Variants in SYNPO2 observed in about 807,000 individuals in gnomAD.
SYNPO2 encodes the protein synaptopodin-2.
A neutral mutation model predicts 85.0 loss-of-function variants in SYNPO2; 56 were observed. That is an observed-to-expected ratio of 0.66 (90% CI 0.53 to 0.82). The LOEUF (loss-of-function observed/expected upper bound fraction) is 0.82, where lower values mean the gene tolerates loss of function less well. Among genes scored for constraint, SYNPO2 ranks in the 40% least tolerant of loss-of-function variants. The pLI is 0.00. For synonymous variants in SYNPO2, 602 were observed against 591.1 expected (o/e 1.02, Z -0.27); for missense variants, 1,575 against 1,534.2 (o/e 1.03, Z -0.44).
intron 1 of SYNPO2, among the ~76,000 whole-genome samples, chr4:118,864,566 C>A (rs1357852777): frequency 6.6e-6 from 1 of 152,134 alleles, no homozygotes; most frequent in Non-Finnish European, 1.5e-5. Flanking sequence ...TGTTGTATTT[C>A]GATCTGTCTG....
Position 119,032,022 on chromosome 4 carries a change from A to G in SYNPO2, c.3247A>G (p.Ile1083Val), listed in dbSNP as rs776729614. Reference sequence around the variant, plus strand: ...CTCAGCCAAGAAAAGTGGTGTCACAATTCAGGTGTGGAAACCATCTGTTGT... The same window carrying G: ...CTCAGCCAAGAAAAGTGGTGTCACAGTTCAGGTGTGGAAACCATCTGTTGT... ...KFSAKKSGVT[I>V]QESGRSLSLP... The change falls in exon 4 of 5, where the codon ATT becomes GTT. Residue 1083 changes from isoleucine (I) to valine (V), a missense_variant. This residue lies in a region of SYNPO2 where 1,508 missense variants were observed against 1,446.8 expected (regional missense o/e 1.04). Coordinates refer to ENST00000307142, the MANE Select transcript of SYNPO2 (RefSeq NM_133477.3). The G allele has an allele frequency of 8.7e-6, 14 of 1,613,934 alleles. No individual in the cohort carries two copies. The highest frequency in any genetic ancestry group is 6.6e-5 in the South Asian group (6 of 91,036).
At chr4:119,016,343 G>A (rs907946591) in intron 1 of SYNPO2, among the ~76,000 whole-genome samples, 3 of 151,696 alleles carry the variant, frequency 2.0e-5, no homozygotes, top group Non-Finnish European at 4.4e-5. Flanking sequence ...CTTGAACCTG[G>A]GAGGCAGAGG....
At chr4:119,032,722 T>C (rs1738333883) in intron 4 of SYNPO2, 1 of 946,284 alleles carries the variant, frequency 1.1e-6, no homozygotes, top group Non-Finnish European at 1.3e-6. Flanking sequence ...TCAGAAAACT[T>C]ATTTAAAGTA....
intron 1 of SYNPO2, among the ~76,000 whole-genome samples, chr4:118,923,128 G>A (rs1733593872): frequency 6.6e-6 from 1 of 152,056 alleles, no homozygotes; most frequent in Admixed American, 6.6e-5. Context: ...TCCTGGCAGA[G>A]TCATGGAATC....
chr4:119,042,783 C>A (rs1738754444), intron 4 of SYNPO2: 1 of 152,162 alleles, frequency 6.6e-6, no homozygotes, highest in South Asian at 2.1e-4. Context: ...CAGGCAGACC[C>A]ACTTGGTGAC....
At chr4:118,948,421 T>C (rs1734578595) in intron 1 of SYNPO2, among the ~76,000 whole-genome samples, 1 of 152,248 alleles carries the variant, frequency 6.6e-6, no homozygotes, top group Non-Finnish European at 1.5e-5. Context: ...TCAATTTACG[T>C]TACTTAATGA....
chr4:118,852,441 T>A (rs185375829), intron 1 of SYNPO2, among the ~76,000 whole-genome samples: 82 of 152,326 alleles, frequency 5.4e-4, no homozygotes, highest in African/African-American at 1.9e-3. Flanking sequence ...ACAGCAGTAT[T>A]CGCAATAGCA....
intron 4 of SYNPO2, among the ~76,000 whole-genome samples, chr4:119,050,239 G>A (rs1381620636): frequency 6.6e-6 from 1 of 152,010 alleles, no homozygotes; most frequent in Admixed American, 6.6e-5. Flanking sequence ...GGCTGAGGCA[G>A]GAGAATCACT....
chr4:119,007,962 G>A (rs1281213423), intron 1 of SYNPO2, among the ~76,000 whole-genome samples: 1 of 152,134 alleles, frequency 6.6e-6, no homozygotes, highest in African/African-American at 2.4e-5. Context: ...ATTATTATAA[G>A]ATACATTATT....
Position 119,059,102 on chromosome 4 carries a change from A to G in SYNPO2, c.*1168A>G, listed in dbSNP as rs1319838812. 1 of 152,176 alleles carries G rather than the reference A, an allele frequency of 6.6e-6. No individual in the cohort carries two copies. Among genetic ancestry groups the G allele is most frequent in the African/African-American group, 2.4e-5 (1 of 41,448 alleles). 9.4% of individuals were successfully genotyped at this position (152,176 alleles called of 1,614,324 possible). A position where few individuals can be genotyped will look rare whatever the true frequency, so the allele number is the denominator to read the frequency against. ...GCATTGTTTATTTTTTTTGCTCATA[A>G]TATAAATATCAGATTATGTTTAGGA... On this transcript the variant is annotated 3_prime_UTR_variant, in exon 5 of 5. Coordinates refer to ENST00000307142, the MANE Select transcript of SYNPO2 (RefSeq NM_133477.3).
At chr4:119,001,958 T>C (rs567911329) in intron 1 of SYNPO2, among the ~76,000 whole-genome samples, 56 of 152,302 alleles carry the variant, frequency 3.7e-4, no homozygotes, top group African/African-American at 1.3e-3. Flanking sequence ...TGAAGATAAA[T>C]AGTTCTGTTA....
chr4:119,028,543 CTG>C (rs1307840614), intron 3 of SYNPO2, among the ~76,000 whole-genome samples: 2 of 152,110 alleles, frequency 1.3e-5, no homozygotes, highest in African/African-American at 4.8e-5. Flanking sequence ...TTAGCAGCAA[CTG>C]TGCAACTGTG....
intron 4 of SYNPO2, chr4:119,043,964 A>G (rs1191301222): frequency 7.6e-6 from 1 of 131,690 alleles, no homozygotes; most frequent in Admixed American, 7.8e-5. Context: ...AAAAAAAAAA[A>G]GCTATGCAAA....
intron 1 of SYNPO2, among the ~76,000 whole-genome samples, chr4:119,016,514 AG>A (rs1737533410): frequency 6.6e-6 from 1 of 152,086 alleles, no homozygotes; most frequent in Non-Finnish European, 1.5e-5. Flanking sequence ...GTATTTACAT[AG>A]ATGCTTTTAA....
intron 1 of SYNPO2, among the ~76,000 whole-genome samples, chr4:118,954,596 A>T (rs1180698654): frequency 6.6e-6 from 1 of 152,210 alleles, no homozygotes; most frequent in East Asian, 1.9e-4. Context: ...CAGGGGGAAA[A>T]TACTTATTTG....
chr4:118,989,941 G>C (rs1736349746), intron 1 of SYNPO2, among the ~76,000 whole-genome samples: 1 of 152,190 alleles, frequency 6.6e-6, no homozygotes. Flanking sequence ...CTCTAATTCA[G>C]ATGTTAAATC....
chr4:118,948,222 T>G (rs1169296062), intron 1 of SYNPO2, among the ~76,000 whole-genome samples: 1 of 152,202 alleles, frequency 6.6e-6, no homozygotes, highest in Non-Finnish European at 1.5e-5. Flanking sequence ...TTTGTTAACA[T>G]TTTGGTTCAT....
chr4:119,000,345 C>T (rs1192218809), intron 1 of SYNPO2, among the ~76,000 whole-genome samples: 1 of 152,134 alleles, frequency 6.6e-6, no homozygotes, highest in Non-Finnish European at 1.5e-5. Flanking sequence ...GGATCATTCT[C>T]CTTTCACTCT....
intron 1 of SYNPO2, among the ~76,000 whole-genome samples, chr4:118,929,048 A>G (rs1692396979): frequency 6.6e-6 from 1 of 152,116 alleles, no homozygotes; most frequent in African/African-American, 2.4e-5. Flanking sequence ...GCCAGCATTT[A>G]GGAAAGTACC....
Sources: gnomAD v4.1 joint callset for allele counts (sites outside exome capture counted in the v4.1 genomes callset) on GRCh38, gnomAD v4.1.1 for gene constraint, gnomAD v4.1.1 regional missense constraint, MANE v1.5 for transcripts, NCBI Gene and HGNC (gene_info 2026-07-23, HGNC 2026-07-21) for gene names.